Variants in ETV6 observed in about 807,000 individuals in gnomAD.
ETV6 encodes transcription factor ETV6.
Under a neutral mutation model 51.1 loss-of-function variants are expected in ETV6, and 16 were observed. The ratio of observed to expected loss-of-function variants is 0.31; its 90% CI spans 0.21 to 0.48. The LOEUF is 0.48. ETV6 is among the 20% of genes least tolerant of loss of function. The probability of loss-of-function intolerance (pLI) is 0.99; values close to 1 mark genes in which losing one functional copy is unlikely to be tolerated. For missense variants in ETV6, 458 were observed against 594.8 expected, an observed-to-expected ratio of 0.77 and a Z score of 2.39; for synonymous variants, 240 against 224.1, an observed-to-expected ratio of 1.07 and a Z score of -0.64.
chr12:11,746,393 C>G (rs1395789468), intron 1 of ETV6, among the ~76,000 whole-genome samples: 1 of 152,172 alleles, frequency 6.6e-6, no homozygotes, highest in Admixed American at 6.5e-5. Flanking sequence ...ATAACGATGC[C>G]TTCCTTGCAG....
chr12:11,754,695 C>G (rs1250768246), intron 2 of ETV6, among the ~76,000 whole-genome samples: 1 of 152,194 alleles, frequency 6.6e-6, no homozygotes, highest in East Asian at 1.9e-4. Flanking sequence ...ATTGTTTCTT[C>G]CATACTAACA....
At chr12:11,863,738 C>G (rs1489824220) in intron 4 of ETV6, among the ~76,000 whole-genome samples, 1 of 152,242 alleles carries the variant, frequency 6.6e-6, no homozygotes, top group African/African-American at 2.4e-5. Context: ...GCTTCTCTGC[C>G]TGCCGGCTCT....
At chr12:11,742,724 A>C (rs1865831191) in intron 1 of ETV6, among the ~76,000 whole-genome samples, 1 of 151,820 alleles carries the variant, frequency 6.6e-6, no homozygotes, top group Non-Finnish European at 1.5e-5. Flanking sequence ...TCATAATAAC[A>C]CCTTGCATTA....
chr12:11,745,238 AG>A (rs1357166102), intron 1 of ETV6, among the ~76,000 whole-genome samples: 4 of 152,242 alleles, frequency 2.6e-5, no homozygotes, highest in Admixed American at 2.6e-4. Flanking sequence ...AGCATCTTGC[AG>A]TTATACGGAA....
chr12:11,664,299 A>G (rs1029910636), intron 1 of ETV6, among the ~76,000 whole-genome samples: 7 of 152,162 alleles, frequency 4.6e-5, no homozygotes, highest in African/African-American at 1.7e-4. Flanking sequence ...TCAGTTTGCT[A>G]GCCTGGCAGA....
At chr12:11,849,538 G>C (rs1946515475) in intron 3 of ETV6, among the ~76,000 whole-genome samples, 1 of 152,166 alleles carries the variant, frequency 6.6e-6, no homozygotes, top group Non-Finnish European at 1.5e-5. Context: ...GAAGATGGAG[G>C]GCTGTCTTCA....
intron 1 of ETV6, among the ~76,000 whole-genome samples, chr12:11,712,831 T>C (rs1314363571): frequency 6.6e-6 from 1 of 152,198 alleles, no homozygotes; most frequent in Non-Finnish European, 1.5e-5. Flanking sequence ...ACACCTGAAA[T>C]CAACCATCCC....
intron 1 of ETV6, among the ~76,000 whole-genome samples, chr12:11,706,794 A>G (rs541232866): frequency 9.5e-4 from 145 of 152,362 alleles, no homozygotes; most frequent in African/African-American, 3.1e-3. Context: ...GATGGGGCGT[A>G]CAATTTACCT....
intron 1 of ETV6, chr12:11,751,422 C>T (rs1211430766): frequency 1.9e-6 from 1 of 519,006 alleles, no homozygotes; most frequent in African/African-American, 1.9e-5. Flanking sequence ...TTTTACATTG[C>T]CCAGTTAAAC....
chr12:11,757,907 T>C (rs1207752428), intron 2 of ETV6, among the ~76,000 whole-genome samples: 1 of 152,182 alleles, frequency 6.6e-6, no homozygotes, highest in African/African-American at 2.4e-5. Flanking sequence ...TATTCTGGTT[T>C]TGTTCACCAG....
intron 1 of ETV6, among the ~76,000 whole-genome samples, chr12:11,711,376 G>C (rs1351461887): frequency 2.0e-5 from 3 of 152,188 alleles, no homozygotes; most frequent in African/African-American, 7.2e-5. Context: ...AAGAGTTCTA[G>C]GAGTTTCTTT....
At chr12:11,811,141 G>A (rs1280106349) in intron 2 of ETV6, among the ~76,000 whole-genome samples, 4 of 152,064 alleles carry the variant, frequency 2.6e-5, no homozygotes, top group Admixed American at 1.3e-4. Context: ...ATCATTGCCC[G>A]GATATTGCTT....
chr12:11,784,862 A>ATTTTTTTTTTTTTT lies in ETV6; in HGVS notation c.163+32294_163+32307dup, dbSNP rs34004409. Among the ~76,000 whole-genome samples the ATTTTTTTTTTTTTT allele has an allele frequency of 8.5e-4, 73 of 85,750 alleles. 1 individual carries two copies. The highest frequency in any genetic ancestry group is 3.3e-3 in the African/African-American group (70 of 21,004). 56.3% of individuals were successfully genotyped at this position (85,750 alleles called of 152,430 possible). On this transcript the variant is annotated intron_variant, in intron 2 of 7. Transcript: ENST00000396373. Reference sequence around the variant, plus strand: ...CAAGTGTGCACCCCGTGCCTTGCTAATTTTTTTTTTTTTTTTTTTTTTTTG... The same window carrying ATTTTTTTTTTTTTT: ...CAAGTGTGCACCCCGTGCCTTGCTAATTTTTTTTTTTTTTTTTTTTTTTTTTTTTTTTTTTTTTG...
intron 2 of ETV6, among the ~76,000 whole-genome samples, chr12:11,810,099 G>T (rs1020120968): frequency 1.3e-5 from 2 of 152,120 alleles, no homozygotes; most frequent in Non-Finnish European, 2.9e-5. Context: ...GATTACAGGC[G>T]TGAGCCACCG....
chr12:11,817,688 C>T (rs1039381192), intron 2 of ETV6, among the ~76,000 whole-genome samples: 39 of 152,132 alleles, frequency 2.6e-4, no homozygotes, highest in African/African-American at 8.5e-4. Flanking sequence ...CACAGCACCC[C>T]GAGGCCTGGC....
At chr12:11,862,138 G>A (rs971006165) in intron 4 of ETV6, among the ~76,000 whole-genome samples, 2 of 152,110 alleles carry the variant, frequency 1.3e-5, no homozygotes, top group Admixed American at 1.3e-4. Flanking sequence ...ATTTTGTTTT[G>A]TTTAGCCCCT....
At chr12:11,812,540 T>C (rs1196741905) in intron 2 of ETV6, among the ~76,000 whole-genome samples, 2 of 152,148 alleles carry the variant, frequency 1.3e-5, no homozygotes, top group African/African-American at 2.4e-5. Flanking sequence ...CTGGGGGTGG[T>C]TGAGTACCTT....
At chr12:11,881,064 A>G (rs2136581325) in intron 5 of ETV6, among the ~76,000 whole-genome samples, 1 of 152,134 alleles carries the variant, frequency 6.6e-6, no homozygotes, top group South Asian at 2.1e-4. Context: ...CAGCCTCCCA[A>G]CTAGCTGGGA....
At chr12:11,734,529 G>GA (rs369367648) in intron 1 of ETV6, among the ~76,000 whole-genome samples, 1,265 of 126,302 alleles carry the variant, frequency 0.01, 18 homozygotes, top group African/African-American at 0.032. Context: ...AAAAAAAAAA[G>GA]AAAAAAAAAA....
Sources: allele counts gnomAD v4.1 joint callset (sites outside exome capture counted in the v4.1 genomes callset), GRCh38; gene constraint gnomAD v4.1.1; transcripts MANE v1.5; gene names NCBI Gene and HGNC (gene_info 2026-07-23, HGNC 2026-07-21).